LPAR1: variants seen among roughly 807,000 people sequenced by gnomAD.
LPAR1 encodes the protein LPA receptor 1.
A neutral mutation model predicts 23.8 loss-of-function variants in LPAR1; 5 were observed. The ratio of observed to expected loss-of-function variants is 0.21; its 90% CI spans 0.11 to 0.44. LPAR1 has a LOEUF of 0.44. LPAR1 is among the 20% of genes least tolerant of loss of function. The pLI, the probability that LPAR1 is intolerant of heterozygous loss-of-function variation, is 0.99. For missense variants in LPAR1, 311 were observed against 482.8 expected (o/e 0.64, Z 3.33); for synonymous variants, 160 against 164.7 (o/e 0.97, Z 0.22).
chr9:110,925,118 A>G (rs1215043658), intron 5 of LPAR1, among the ~76,000 whole-genome samples: 2 of 152,112 alleles, frequency 1.3e-5, no homozygotes, highest in Admixed American at 6.6e-5. Flanking sequence ...CCCACGCTGA[A>G]TTGGTTTGTA....
At chr9:111,016,418 A>T (rs1161160387) in intron 2 of LPAR1, among the ~76,000 whole-genome samples, 1 of 152,188 alleles carries the variant, frequency 6.6e-6, no homozygotes, top group Non-Finnish European at 1.5e-5. Flanking sequence ...GACCTGAACA[A>T]ATAAACTGTA....
At chr9:110,970,319 G>C (rs1211294990) in intron 4 of LPAR1, among the ~76,000 whole-genome samples, 1 of 152,126 alleles carries the variant, frequency 6.6e-6, no homozygotes, top group East Asian at 1.9e-4. Context: ...ACTTTGAAAT[G>C]GTGACCTCAG....
At chr9:110,989,752 T>C (rs1475972398) in intron 2 of LPAR1, among the ~76,000 whole-genome samples, 1 of 152,042 alleles carries the variant, frequency 6.6e-6, no homozygotes, top group Non-Finnish European at 1.5e-5. Flanking sequence ...CACATATATA[T>C]ACACTCATTA....
chr9:110,994,477 C>T (rs550827443), intron 2 of LPAR1, among the ~76,000 whole-genome samples: 101 of 152,230 alleles, frequency 6.6e-4, no homozygotes, highest in Non-Finnish European at 7.6e-4. Flanking sequence ...TCAGTGGTTG[C>T]TTTGTGACTA....
chr9:110,929,880 C>T (rs765107470), intron 5 of LPAR1, among the ~76,000 whole-genome samples: 6 of 152,008 alleles, frequency 3.9e-5, no homozygotes, highest in South Asian at 2.1e-4. Flanking sequence ...ATGTGTGCCT[C>T]CTATGTTCAT....
intron 5 of LPAR1, among the ~76,000 whole-genome samples, chr9:110,904,765 C>T (rs929897007): frequency 2.0e-5 from 3 of 152,132 alleles, no homozygotes; most frequent in African/African-American, 7.2e-5. Flanking sequence ...CAACCTGGAC[C>T]ACACCCAGTG....
chr9:110,936,558 C>T (rs1481096729), intron 5 of LPAR1, among the ~76,000 whole-genome samples: 1 of 152,178 alleles, frequency 6.6e-6, no homozygotes, highest in Non-Finnish European at 1.5e-5. Context: ...AATGTAACTC[C>T]TTGATGTAAG....
chr9:110,987,674 A>G (rs1407072016), intron 2 of LPAR1, among the ~76,000 whole-genome samples: 1 of 148,740 alleles, frequency 6.7e-6, no homozygotes, highest in African/African-American at 2.5e-5. Context: ...CTACATGTAT[A>G]TATATATATA....
intron 5 of LPAR1, among the ~76,000 whole-genome samples, chr9:110,927,972 G>GT (rs1196232634): frequency 6.6e-6 from 1 of 152,048 alleles, no homozygotes; most frequent in Non-Finnish European, 1.5e-5. Context: ...CAATGTTACT[G>GT]TAATTCTGAT....
intron 5 of LPAR1, among the ~76,000 whole-genome samples, chr9:110,936,148 T>C (rs1295427772): frequency 2.0e-5 from 3 of 152,192 alleles, no homozygotes; most frequent in Admixed American, 6.5e-5. Flanking sequence ...TGAACCCGAG[T>C]GCTTTGCAGC....
chr9:110,878,824 A>C (rs183739463), intron 5 of LPAR1, among the ~76,000 whole-genome samples: 17 of 152,340 alleles, frequency 1.1e-4, no homozygotes, highest in Admixed American at 9.1e-4. Flanking sequence ...GTTTTGGACA[A>C]GAAAGAGCTG....
chr9:110,907,532 C>T (rs1361401808), intron 5 of LPAR1, among the ~76,000 whole-genome samples: 1 of 152,090 alleles, frequency 6.6e-6, no homozygotes, highest in Non-Finnish European at 1.5e-5. Flanking sequence ...ACATCAGGGT[C>T]CAGTAAAGCA....
At position 110,874,935 on chromosome 9, in the gene LPAR1, T is replaced by G. The variant is rs1257721948; in HGVS notation, c.*486A>C. On this transcript the variant is annotated 3_prime_UTR_variant, in exon 6 of 6. Transcript: ENST00000683809. The stretch of plus-strand genomic sequence containing the variant: ...TTCCTATGTAAGGGAAAAAATGGAA[T>G]TATGGTAGTTTAAAAGCAGTCCATA... The G allele has an allele frequency of 6.6e-6, 1 of 152,610 alleles. No individual in the cohort carries two copies. The highest frequency in any genetic ancestry group is 1.5e-5 in the Non-Finnish European group (1 of 68,170). 9.5% of individuals were successfully genotyped at this position (152,610 alleles called of 1,614,324 possible).
intron 5 of LPAR1, among the ~76,000 whole-genome samples, chr9:110,892,819 A>T (rs1459855207): frequency 9.5e-6 from 1 of 105,634 alleles, no homozygotes; most frequent in Non-Finnish European, 1.8e-5. Context: ...GAAGGAAGGA[A>T]GGAAGGAAGG....
At chr9:111,037,338 T>C (rs1298034606) in intron 1 of LPAR1, among the ~76,000 whole-genome samples, 1 of 151,922 alleles carries the variant, frequency 6.6e-6, no homozygotes, top group African/African-American at 2.4e-5. Flanking sequence ...TCAACAAAAA[T>C]GAAGAGAGGA....
chr9:110,920,060 C>T (rs1478230948), intron 5 of LPAR1, among the ~76,000 whole-genome samples: 2 of 152,142 alleles, frequency 1.3e-5, no homozygotes, highest in Non-Finnish European at 2.9e-5. Context: ...GCACTGAGAT[C>T]AAAACACAGC....
chr9:111,013,961 C>G (rs2097385339), intron 2 of LPAR1, among the ~76,000 whole-genome samples: 1 of 152,198 alleles, frequency 6.6e-6, no homozygotes, highest in East Asian at 1.9e-4. Context: ...ATAGCTGAAA[C>G]TATGCATCTA....
chr9:110,903,879 T>A, intron 5 of LPAR1, among the ~76,000 whole-genome samples: 1 of 114,402 alleles, frequency 8.7e-6, no homozygotes. Flanking sequence ...GATAAGTGAA[T>A]TGCAAAAAAA....
chr9:110,891,915 A>G (rs999616861), intron 5 of LPAR1, among the ~76,000 whole-genome samples: 2 of 152,228 alleles, frequency 1.3e-5, no homozygotes, highest in African/African-American at 4.8e-5. Flanking sequence ...ATATAGTGGA[A>G]CTGAAACTTT....
Sources: allele counts gnomAD v4.1 joint callset (sites outside exome capture counted in the v4.1 genomes callset), GRCh38; gene constraint gnomAD v4.1.1; transcripts MANE v1.5; gene names NCBI Gene and HGNC (gene_info 2026-07-23, HGNC 2026-07-21).